UNC13A: variants seen among roughly 807,000 people sequenced by gnomAD.
UNC13A encodes protein unc-13 homolog A.
Under a neutral mutation model 219.7 loss-of-function variants are expected in UNC13A, and 61 were observed. The ratio of observed to expected loss-of-function variants is 0.28; its 90% CI spans 0.23 to 0.34. The LOEUF is 0.34. Ranked by LOEUF, UNC13A falls within the 10% of genes least tolerant of loss-of-function variation. The probability of loss-of-function intolerance (pLI) is 1.00; values close to 1 mark genes in which losing one functional copy is unlikely to be tolerated. For synonymous variants in UNC13A, 920 were observed against 884.6 expected (o/e 1.04, Z -0.71); for missense variants, 1,476 against 2,270.3 (o/e 0.65, Z 7.11).
In UNC13A at chr19:17,604,702, TGCACCAGGTAACTCCA is replaced by T. The variant is rs1325105190; in HGVS notation, c.*1336_*1351del. On this transcript the variant is annotated 3_prime_UTR_variant, in exon 44 of 44. Coordinates refer to ENST00000519716, the MANE Select transcript of UNC13A (RefSeq NM_001080421.3). ...CTGAACTTTCCCCTAAGGTCCTATGTGCACCAGGTAACTCCAGCCAGGTCACTGTAACTTTGCTCAT... is the reference window on the plus strand; with the variant it reads ...CTGAACTTTCCCCTAAGGTCCTATGTGCCAGGTCACTGTAACTTTGCTCAT... 1 of 152,300 alleles carries T rather than the reference TGCACCAGGTAACTCCA, an allele frequency of 6.6e-6. No homozygotes were observed. Among genetic ancestry groups the T allele is most frequent in the Non-Finnish European group, 1.5e-5 (1 of 68,076 alleles). 9.4% of individuals were successfully genotyped at this position (152,300 alleles called of 1,614,324 possible).
chr19:17,687,620 A>G (rs997531760), intron 1 of UNC13A, among the ~76,000 whole-genome samples: 50 of 151,908 alleles, frequency 3.3e-4, no homozygotes, highest in African/African-American at 1.2e-3. Flanking sequence ...CTTTACACCT[A>G]GGGCTGGGAG....
intron 8 of UNC13A, among the ~76,000 whole-genome samples, chr19:17,661,107 T>G (rs1167690851): frequency 2.0e-5 from 3 of 147,194 alleles, no homozygotes; most frequent in Non-Finnish European, 4.5e-5. Context: ...CCCGGCCCTT[T>G]TTTTTTTTTT....
intron 1 of UNC13A, among the ~76,000 whole-genome samples, chr19:17,686,495 AG>A (rs2080114886): frequency 6.6e-6 from 1 of 151,790 alleles, no homozygotes. Context: ...AGAGGTCAGT[AG>A]GGGGTCTGGA....
chr19:17,664,260 A>G (rs916335133), intron 7 of UNC13A, among the ~76,000 whole-genome samples: 2 of 151,632 alleles, frequency 1.3e-5, no homozygotes, highest in Non-Finnish European at 2.9e-5. Flanking sequence ...TAAATTGGAA[A>G]CCCTAAGGTT....
rs1388141302 is a variant in UNC13A at position 17,674,771 on chromosome 19, G to A, written c.53-15C>T. The A allele has an allele frequency of 1.2e-6, 2 of 1,608,712 alleles. No homozygotes were observed. The highest frequency in any genetic ancestry group is 1.7e-6 in the Non-Finnish European group (2 of 1,175,204). ...GTTGAATTTCTCTGTGGCAGTGAGA[G>A]TAGGGGTCAGCGCTGGGGCTCAGGG... On this transcript the variant is annotated splice_polypyrimidine_tract_variant and intron_variant, in intron 2 of 43. Transcript: ENST00000519716. This position sits in a 1 kb window ranked among gnomAD's most constrained non-coding sequence, Gnocchi z 5.0.
At chr19:17,667,806 A>C (rs1336952472) in intron 6 of UNC13A, among the ~76,000 whole-genome samples, 1 of 128,256 alleles carries the variant, frequency 7.8e-6, no homozygotes, top group Non-Finnish European at 1.6e-5. Flanking sequence ...TTTTTAGTAG[A>C]GACGGGGTTT....
At chr19:17,634,223 C>T (rs2076888483) in intron 26 of UNC13A, among the ~76,000 whole-genome samples, 1 of 151,438 alleles carries the variant, frequency 6.6e-6, no homozygotes, top group South Asian at 2.1e-4. Flanking sequence ...CATTAAATGA[C>T]CCATCTATCT....
Position 17,673,357 on chromosome 19 carries a change from C to CAAA in UNC13A, c.153-865_153-863dup, listed in dbSNP as rs369463898. On this transcript the variant is annotated intron_variant, in intron 3 of 43. Coordinates refer to ENST00000519716, the MANE Select transcript of UNC13A (RefSeq NM_001080421.3). ...GGGCAACAAAAGCAAAACTCAGTCT[C>CAAA]AAAAAAAAAAAAAAAAGTATATATA... Among the ~76,000 whole-genome samples the CAAA allele has an allele frequency of 6.0e-3, 616 of 102,734 alleles. 12 individuals carry two copies. The highest frequency in any genetic ancestry group is 0.021 in the African/African-American group (578 of 28,180). 67.4% of individuals were successfully genotyped at this position (102,734 alleles called of 152,430 possible).
At chr19:17,663,803 A>AT (rs952319486) in intron 7 of UNC13A, among the ~76,000 whole-genome samples, 20 of 149,632 alleles carry the variant, frequency 1.3e-4, no homozygotes, top group East Asian at 3.9e-4. Flanking sequence ...CTTTTCTTTA[A>AT]TTTTTTTTTT....
rs762776791 is a variant in UNC13A, at chr19:17,620,686, G to T, written c.4272+7C>A. 4 of 1,613,006 alleles carry T rather than the reference G, an allele frequency of 2.5e-6. No homozygotes were observed. In the South Asian group the frequency reaches 4.4e-5, roughly 18 times the overall value. Reference sequence around the variant, plus strand: ...GAGCCAGACAGACAGTGAGAGGCCGGTCTTACGTCTGAGTGGCTTGGCAAT... The same window carrying T: ...GAGCCAGACAGACAGTGAGAGGCCGTTCTTACGTCTGAGTGGCTTGGCAAT... On this transcript the variant is annotated splice_region_variant and intron_variant, in intron 38 of 43. Transcript: ENST00000519716.
intron 35 of UNC13A, 58 bp downstream of exon 35, chr19:17,624,771 C>A (rs2076765049): frequency 1.9e-6 from 3 of 1,557,098 alleles, no homozygotes; most frequent in Admixed American, 3.9e-5. Flanking sequence ...ACCAAGTTTT[C>A]TGGGCTCTCG....
In UNC13A at chr19:17,688,270, G is replaced by A; in HGVS notation, c.-71C>T. On this transcript the variant is annotated 5_prime_UTR_variant, in exon 1 of 44. Transcript: ENST00000519716. ...TCGGGTCGGGCTCAGCGGCCGCTGG[G>A]CTGGGGCATCTCCCGGCTGCAGCCC... is the stretch of plus-strand genomic sequence containing the variant. The A allele has an allele frequency of 7.2e-7, 1 of 1,382,854 alleles. No individual in the cohort carries two copies. The highest frequency in any genetic ancestry group is 1.5e-5 in the African/African-American group (1 of 65,386). The allele number at this position is 1,382,854 out of a possible 1,614,324, so 85.7% of individuals were successfully genotyped here.
intron 23 of UNC13A, 84 bp downstream of exon 23, chr19:17,639,756 C>T: frequency 2.0e-6 from 3 of 1,504,478 alleles, no homozygotes. Flanking sequence ...TGGGTCCTCC[C>T]ATGCACACAC....
chr19:17,635,716 C>G (rs1201911439), intron 26 of UNC13A, among the ~76,000 whole-genome samples: 3 of 152,094 alleles, frequency 2.0e-5, no homozygotes, highest in African/African-American at 7.2e-5. Flanking sequence ...TTGAGCAACA[C>G]TATTATTAAT....
At chr19:17,631,007 A>G (rs760309739) in intron 28 of UNC13A, among the ~76,000 whole-genome samples, 2 of 151,174 alleles carry the variant, frequency 1.3e-5, no homozygotes, top group Non-Finnish European at 2.9e-5. Flanking sequence ...TAAGCTGCCC[A>G]TGGCAAGTGG....
At chr19:17,647,838 GC>G (rs1178547040) in intron 16 of UNC13A, among the ~76,000 whole-genome samples, 2 of 58,776 alleles carry the variant, frequency 3.4e-5, no homozygotes, top group Admixed American at 4.9e-4. Flanking sequence ...CTGAATCTCC[GC>G]CCCCTCTCTG....
At position 17,630,638 on chromosome 19, in the gene UNC13A, G is replaced by GGGT. The variant is rs1317003549; in HGVS notation, c.3525+13_3525+15dup. 3.7e-6 allele frequency: 6 copies of GGGT among 1,613,322 alleles called. No individual in the cohort carries two copies. The highest frequency in any genetic ancestry group is 2.7e-5 in the African/African-American group (2 of 74,918). ...GTGGGAAGATTAGGAACTTGGTTGT[G>GGGT]GGTGGGCCTTCTTACCCCATCCTTC... On this transcript the variant is annotated intron_variant, in intron 29 of 43. Transcript: ENST00000519716.
intron 40 of UNC13A, 139 bp from the exon 41 acceptor site, chr19:17,617,988 T>G: frequency 8.4e-7 from 1 of 1,187,134 alleles, no homozygotes; most frequent in East Asian, 2.6e-5. Context: ...CCTAGTGAAC[T>G]CCTATGCATT....
rs1225770979 is a variant in UNC13A, at chr19:17,647,196, GGACAGGGCATGA to G, written c.2044+57_2044+68del. 6 of 1,413,928 alleles carry G rather than the reference GGACAGGGCATGA, an allele frequency of 4.2e-6. No individual in the cohort carries two copies. The Admixed American group carries it at 1.0e-4, about 24-fold the overall frequency. The allele number at this position is 1,413,928 out of a possible 1,614,324, so 87.6% of individuals were successfully genotyped here. ...TGCAAAGGAGAGGGACCAGGCCATG[GGACAGGGCATGA>G]GACAGGTCTCAGAGGGTGGAGAAGG... On this transcript the variant is annotated intron_variant, in intron 17 of 43. Transcript: ENST00000519716.
Sources: allele counts gnomAD v4.1 joint callset (sites outside exome capture counted in the v4.1 genomes callset), GRCh38; gene constraint gnomAD v4.1.1; non-coding constraint Gnocchi (gnomAD v3.1); transcripts MANE v1.5; gene names NCBI Gene and HGNC (gene_info 2026-07-23, HGNC 2026-07-21).